The following PDE6D variants were observed in gnomAD, a reference collection of about 807,000 sequenced individuals.
The protein encoded by PDE6D is retinal rod rhodopsin-sensitive cGMP 3',5'-cyclic phosphodiesterase subunit delta.
A neutral mutation model predicts 21.9 loss-of-function variants in PDE6D; 10 were observed. The ratio of observed to expected loss-of-function variants is 0.46; its 90% CI spans 0.28 to 0.78. The LOEUF is 0.78. PDE6D is among the 30% of genes least tolerant of loss of function. The pLI, the probability that PDE6D is intolerant of heterozygous loss-of-function variation, is 0.12. For missense variants in PDE6D, 139 were observed against 184.8 expected (o/e 0.75, Z 1.44); for synonymous variants, 59 against 63.5 (o/e 0.93, Z 0.34).
intron 1 of PDE6D, among the ~76,000 whole-genome samples, chr2:231,761,714 G>A (rs2048931443): frequency 6.6e-6 from 1 of 152,152 alleles, no homozygotes; most frequent in South Asian, 2.1e-4. Context: ...TAATATTTGA[G>A]TACCTACTTT....
intron 1 of PDE6D, among the ~76,000 whole-genome samples, chr2:231,769,798 T>C (rs995318335): frequency 7.2e-5 from 11 of 152,098 alleles, no homozygotes; most frequent in Admixed American, 5.9e-4. Context: ...GAAAAGGAAA[T>C]AGTCTGTTAG....
chr2:231,756,481 G>A (rs2048883124), intron 1 of PDE6D, among the ~76,000 whole-genome samples: 1 of 152,126 alleles, frequency 6.6e-6, no homozygotes, highest in South Asian at 2.1e-4. Context: ...CCGTCGCCTA[G>A]GCTGGAGTGC....
At position 231,780,934 on chromosome 2, in the gene PDE6D, C is replaced by T. The variant is rs562619090; in HGVS notation, c.50+131G>A. 31 of 820,462 alleles carry T rather than the reference C, an allele frequency of 3.8e-5. No individual in the cohort carries two copies. The African/African-American group carries it at 4.4e-4, about 12-fold the overall frequency. 50.8% of individuals were successfully genotyped at this position (820,462 alleles called of 1,614,324 possible). Reference sequence around the variant, plus strand: ...CCCGCCGGGTGCTCGGCACGCTGTTCCTTTCCTCTCCCCTCCCGCGGCCCT... The same window carrying T: ...CCCGCCGGGTGCTCGGCACGCTGTTTCTTTCCTCTCCCCTCCCGCGGCCCT... On this transcript the variant is annotated intron_variant, in intron 1 of 4. Transcript: ENST00000287600.
At chr2:231,737,751 T>A (rs143959452) in intron 3 of PDE6D, 4 of 420,108 alleles carry the variant, frequency 9.5e-6, no homozygotes. Flanking sequence ...TCCATGATCA[T>A]ATCACAATAC....
intron 1 of PDE6D, among the ~76,000 whole-genome samples, chr2:231,745,355 A>C (rs2048785805): frequency 1.3e-5 from 2 of 152,372 alleles, no homozygotes; most frequent in African/African-American, 2.4e-5. Flanking sequence ...GATTTTTTAG[A>C]GAAAAAGAGC....
At chr2:231,752,831 G>GGTT (rs2048851652) in intron 1 of PDE6D, among the ~76,000 whole-genome samples, 1 of 119,298 alleles carries the variant, frequency 8.4e-6, no homozygotes, top group South Asian at 2.7e-4. Flanking sequence ...AGAGATTTGA[G>GGTT]TTTTTTTTTT....
chr2:231,768,359 A>G (rs758586950), intron 1 of PDE6D, among the ~76,000 whole-genome samples: 1 of 152,042 alleles, frequency 6.6e-6, no homozygotes, highest in African/African-American at 2.4e-5. Context: ...GTAACACCTC[A>G]TCTTTTAAGA....
chr2:231,768,890 G>A (rs991135636), intron 1 of PDE6D, among the ~76,000 whole-genome samples: 10 of 151,594 alleles, frequency 6.6e-5, no homozygotes, highest in South Asian at 2.1e-4. Context: ...TTTTTTGAGC[G>A]GGAGTTTCGC....
chr2:231,761,182 T>C (rs747653239), intron 1 of PDE6D, among the ~76,000 whole-genome samples: 2 of 151,982 alleles, frequency 1.3e-5, no homozygotes, highest in Non-Finnish European at 2.9e-5. Context: ...AATAATTCTT[T>C]TTTTTTTTTT....
At chr2:231,744,427 T>G (rs2048775241) in intron 1 of PDE6D, among the ~76,000 whole-genome samples, 2 of 150,818 alleles carry the variant, frequency 1.3e-5, no homozygotes, top group Admixed American at 6.7e-5. Context: ...AGGACTTAAT[T>G]GCTTTTCTTT....
chr2:231,780,928 G>A (rs544426576), intron 1 of PDE6D, 137 bp downstream of exon 1: 20 of 768,912 alleles, frequency 2.6e-5, no homozygotes, highest in Admixed American at 5.2e-5. Context: ...TGCTCGGCAC[G>A]CTGTTCCTTT....
At chr2:231,780,915 G>C (rs935114781) in intron 1 of PDE6D, 150 bp downstream of exon 1, 3 of 690,966 alleles carry the variant, frequency 4.3e-6, no homozygotes, top group Admixed American at 6.1e-5. Context: ...GGGTCCCGCC[G>C]GGTGCTCGGC....
chr2:231,754,310 C>T (rs11682986), intron 1 of PDE6D, among the ~76,000 whole-genome samples: 2,014 of 152,034 alleles, frequency 0.013, 31 homozygotes, highest in Non-Finnish European at 0.018. Context: ...AACAAATCAT[C>T]TCAATAGTCT....
intron 1 of PDE6D, among the ~76,000 whole-genome samples, chr2:231,761,411 C>T (rs994269698): frequency 2.0e-5 from 3 of 152,160 alleles, no homozygotes; most frequent in Non-Finnish European, 2.9e-5. Flanking sequence ...CTCCTGACCT[C>T]GTGATCCGCC....
At chr2:231,761,179 C>CT (rs962697536) in intron 1 of PDE6D, among the ~76,000 whole-genome samples, 90 of 147,586 alleles carry the variant, frequency 6.1e-4, no homozygotes, top group Middle Eastern at 3.5e-3. Context: ...ATCAATAATT[C>CT]TTTTTTTTTT....
chr2:231,743,319 G>A (rs1023526593), intron 1 of PDE6D, among the ~76,000 whole-genome samples: 3 of 151,492 alleles, frequency 2.0e-5, no homozygotes, highest in Admixed American at 2.0e-4. Flanking sequence ...AGCTAATCAG[G>A]AGGCTGAGGC....
chr2:231,776,142 G>A (rs1003456219), intron 1 of PDE6D, among the ~76,000 whole-genome samples: 4 of 151,884 alleles, frequency 2.6e-5, no homozygotes, highest in Non-Finnish European at 5.9e-5. Context: ...CCAACATGGC[G>A]AAACCCCCTC....
intron 1 of PDE6D, among the ~76,000 whole-genome samples, chr2:231,741,216 G>A (rs1346092531): frequency 6.6e-6 from 1 of 150,528 alleles, no homozygotes; most frequent in Non-Finnish European, 1.5e-5. Flanking sequence ...AAAGCTTCCA[G>A]AGGTTAAACA....
At chr2:231,771,661 T>C (rs764002892) in intron 1 of PDE6D, among the ~76,000 whole-genome samples, 5 of 152,238 alleles carry the variant, frequency 3.3e-5, no homozygotes, top group Non-Finnish European at 5.9e-5. Flanking sequence ...TTGCTCTCCT[T>C]GACTCTGAAT....
Sources: allele counts gnomAD v4.1 joint callset (sites outside exome capture counted in the v4.1 genomes callset), GRCh38; gene constraint gnomAD v4.1.1; transcripts MANE v1.5; gene names NCBI Gene and HGNC (gene_info 2026-07-23, HGNC 2026-07-21).